KIF26B: variants seen among roughly 807,000 people sequenced by gnomAD.
KIF26B encodes kinesin-like protein KIF26B.
KIF26B carries 63 observed loss-of-function variants against 151.2 expected under a neutral mutation model. The ratio of observed to expected loss-of-function variants is 0.42; its 90% CI spans 0.34 to 0.51. KIF26B has a LOEUF of 0.51. Ranked by LOEUF, KIF26B falls within the 20% of genes least tolerant of loss-of-function variation. The pLI is 0.07. For synonymous variants in KIF26B, 1,357 were observed against 1,262.1 expected (o/e 1.08, Z -1.59); for missense variants, 2,813 against 2,913.6 (o/e 0.97, Z 0.79).
chr1:245,425,838 GTATCGCCAGTTCCATGGCGT>G (rs1558161012), intron 4 of KIF26B, among the ~76,000 whole-genome samples: 1 of 152,208 alleles, frequency 6.6e-6, no homozygotes, highest in African/African-American at 2.4e-5. Flanking sequence ...GGCAGAGCTG[GTATCGCCAGTTCCATGGCGT>G]TGGTGAGCAC....
chr1:245,298,364 T>C (rs1227828041), intron 2 of KIF26B, among the ~76,000 whole-genome samples: 2 of 152,192 alleles, frequency 1.3e-5, no homozygotes, highest in African/African-American at 4.8e-5. Context: ...GCTATAGCGG[T>C]AACATGAACC....
chr1:245,311,009 T>G (rs1671655779), intron 2 of KIF26B, among the ~76,000 whole-genome samples: 3 of 152,136 alleles, frequency 2.0e-5, no homozygotes, highest in Admixed American at 2.0e-4. Flanking sequence ...GTCTTGCCAG[T>G]TCCAACTGTA....
intron 4 of KIF26B, among the ~76,000 whole-genome samples, chr1:245,477,450 A>C (rs1322838483): frequency 1.3e-5 from 2 of 151,806 alleles, no homozygotes; most frequent in Non-Finnish European, 2.9e-5. Context: ...CATCCACCAC[A>C]AACACAGTAG....
intron 2 of KIF26B, among the ~76,000 whole-genome samples, chr1:245,290,933 G>T (rs772133174): frequency 6.6e-6 from 1 of 152,240 alleles, no homozygotes; most frequent in East Asian, 1.9e-4. Flanking sequence ...GCTGGTTTCA[G>T]CTGGGCTCCC....
intron 4 of KIF26B, among the ~76,000 whole-genome samples, chr1:245,491,833 G>A (rs1572089792): frequency 2.0e-5 from 3 of 152,190 alleles, no homozygotes; most frequent in African/African-American, 4.8e-5. Flanking sequence ...ACTTGAACCT[G>A]GGAGGTGGAG....
intron 3 of KIF26B, among the ~76,000 whole-genome samples, chr1:245,398,876 G>A (rs757938594): frequency 1.4e-4 from 22 of 151,954 alleles, no homozygotes; most frequent in Non-Finnish European, 2.8e-4. Flanking sequence ...ACTGTACTCC[G>A]TTAGCAATTA....
In KIF26B at chr1:245,155,062, C is replaced by T; in HGVS notation, c.-363C>T. The T allele has an allele frequency of 2.2e-6, 1 of 456,900 alleles. No individual in the cohort carries two copies. The allele number at this position is 456,900 out of a possible 1,614,324, so 28.3% of individuals were successfully genotyped here. Reference sequence around the variant, plus strand: ...TCTCCCACCTTCCCGGCAGCGGCCGCGAGCCCTGATTGTATCCCTCGCTTT... The same window carrying T: ...TCTCCCACCTTCCCGGCAGCGGCCGTGAGCCCTGATTGTATCCCTCGCTTT... On this transcript the variant is annotated 5_prime_UTR_variant, in exon 1 of 15. Coordinates refer to ENST00000407071, the MANE Select transcript of KIF26B (RefSeq NM_018012.4).
chr1:245,568,042 G>A (rs2043027308), intron 5 of KIF26B, among the ~76,000 whole-genome samples: 3 of 151,830 alleles, frequency 2.0e-5, no homozygotes, highest in Admixed American at 1.3e-4. Context: ...AAAAATAGCC[G>A]GGGTTAATCC....
intron 3 of KIF26B, among the ~76,000 whole-genome samples, chr1:245,374,951 T>C (rs947964574): frequency 6.6e-6 from 1 of 152,098 alleles, no homozygotes; most frequent in African/African-American, 2.4e-5. Context: ...CTTGGTGTGG[T>C]AGACTGAATA....
chr1:245,285,869 C>T lies in KIF26B; in HGVS notation c.466-80965C>T, dbSNP rs113656433. Among the ~76,000 whole-genome samples the T allele has an allele frequency of 2.6e-5, 4 of 151,412 alleles. No individual in the cohort carries two copies. The East Asian group carries it at 5.9e-4, about 22-fold the overall frequency. On this transcript the variant is annotated intron_variant, in intron 2 of 14. Coordinates refer to ENST00000407071, the MANE Select transcript of KIF26B (RefSeq NM_018012.4). ...TAAAAATTAGCCAGGTGTGGTGGTGCGTAGTTGTAATCCCAGCTACTTGGG... is the reference window on the plus strand; with the variant it reads ...TAAAAATTAGCCAGGTGTGGTGGTGTGTAGTTGTAATCCCAGCTACTTGGG...
intron 3 of KIF26B, among the ~76,000 whole-genome samples, chr1:245,405,621 G>T (rs1209687780): frequency 3.1e-5 from 4 of 128,486 alleles, no homozygotes; most frequent in South Asian, 4.3e-4. Flanking sequence ...TCCTATTGAT[G>T]TTGTTTTTTT....
chr1:245,360,536 G>C (rs1215905915), intron 2 of KIF26B, among the ~76,000 whole-genome samples: 1 of 152,188 alleles, frequency 6.6e-6, no homozygotes, highest in Non-Finnish European at 1.5e-5. Context: ...AAATAAGTAT[G>C]ATTATTGACT....
At position 245,472,733 on chromosome 1, in the gene KIF26B, A is replaced by T. The variant is rs537327186; in HGVS notation, c.1166+52988A>T. On this transcript the variant is annotated intron_variant, in intron 4 of 14. Transcript: ENST00000407071. ...TTGTTGCCCTCGGATAACTCCAGTG[A>T]ACTCCTTCTTACTTTTCAAGGCCAT... 2.8e-3 allele frequency among the ~76,000 whole-genome samples: 427 copies of T among 152,196 alleles called. 4 individuals carry two copies. Among genetic ancestry groups the T allele is most frequent in the African/African-American group, 9.9e-3 (412 of 41,520 alleles).
At chr1:245,492,189 T>G (rs1306787880) in intron 4 of KIF26B, among the ~76,000 whole-genome samples, 1 of 152,122 alleles carries the variant, frequency 6.6e-6, no homozygotes, top group Non-Finnish European at 1.5e-5. Context: ...TCTGAACCCT[T>G]GAAGACAAGG....
chr1:245,172,260 G>A (rs1310337637), intron 2 of KIF26B, among the ~76,000 whole-genome samples: 1 of 152,090 alleles, frequency 6.6e-6, no homozygotes, highest in African/African-American at 2.4e-5. Context: ...GCAGAGTTAG[G>A]ACACTTGGGG....
At position 245,375,425 on chromosome 1, in the gene KIF26B, A is replaced by T. The variant is rs1014101289; in HGVS notation, c.999+8058A>T. Among the ~76,000 whole-genome samples, 4 of 152,136 alleles carry T rather than the reference A, an allele frequency of 2.6e-5. No individual in the cohort carries two copies. In the East Asian group the frequency reaches 7.7e-4, roughly 29 times the overall value. ...GGGTGGACTCAATGTAATTACAAGG[A>T]TCCTTAAAGAGGAAGGCAGGAGGAT... is the stretch of plus-strand genomic sequence containing the variant. On this transcript the variant is annotated intron_variant, in intron 3 of 14. Transcript: ENST00000407071. The surrounding 1 kb of genome is among the most constrained non-coding windows in gnomAD (Gnocchi z 4.2).
At chr1:245,324,410 C>A (rs1279857299) in intron 2 of KIF26B, among the ~76,000 whole-genome samples, 1 of 152,154 alleles carries the variant, frequency 6.6e-6, no homozygotes, top group African/African-American at 2.4e-5. Flanking sequence ...AAGAAGAATT[C>A]TTTCCATGGA....
At chr1:245,663,188 AG>A (rs2044175961) in intron 10 of KIF26B, among the ~76,000 whole-genome samples, 1 of 144,674 alleles carries the variant, frequency 6.9e-6, no homozygotes, top group Non-Finnish European at 1.5e-5. Context: ...CCTGGCAGTA[AG>A]CTGGGGCACT....
chr1:245,261,396 G>T (rs566780473), intron 2 of KIF26B, among the ~76,000 whole-genome samples: 340 of 151,806 alleles, frequency 2.2e-3, no homozygotes, highest in Non-Finnish European at 4.2e-3. Context: ...CTCCCAAAGT[G>T]CTGGGATTAG....
Sources: allele counts gnomAD v4.1 joint callset (sites outside exome capture counted in the v4.1 genomes callset), GRCh38; gene constraint gnomAD v4.1.1; non-coding constraint Gnocchi (gnomAD v3.1); transcripts MANE v1.5; gene names NCBI Gene and HGNC (gene_info 2026-07-23, HGNC 2026-07-21).